FGD4: variants seen among roughly 807,000 people sequenced by gnomAD.
The protein encoded by FGD4 is FYVE, RhoGEF and PH domain-containing protein 4.
In FGD4, 42 loss-of-function variants were observed where a neutral mutation model predicts 102.0. That is an observed-to-expected ratio of 0.41 (90% confidence interval 0.32 to 0.53). The LOEUF (loss-of-function observed/expected upper bound fraction) is 0.53, where lower values mean the gene tolerates loss of function less well. Among genes scored for constraint, FGD4 ranks in the 20% least tolerant of loss-of-function variants. The probability of loss-of-function intolerance (pLI) is 0.21; values close to 1 mark genes in which losing one functional copy is unlikely to be tolerated. For synonymous variants in FGD4, 380 were observed against 375.7 expected (o/e 1.01, Z -0.13); for missense variants, 902 against 1,078.2 (o/e 0.84, Z 2.29).
At chr12:32,401,330 G>GATC (rs1565718129) in intron 1 of FGD4, among the ~76,000 whole-genome samples, 2 of 152,206 alleles carry the variant, frequency 1.3e-5, no homozygotes, top group African/African-American at 4.8e-5. Context: ...CATGAACTCA[G>GATC]ATCACTGCAA....
chr12:32,453,119 C>T (rs987519776), intron 1 of FGD4, among the ~76,000 whole-genome samples: 2 of 147,164 alleles, frequency 1.4e-5, no homozygotes, highest in Admixed American at 6.9e-5. Flanking sequence ...ATTAACACAT[C>T]CAAATAGTTT....
At chr12:32,561,070 G>GTGTTTT (rs1944513090) in intron 1 of FGD4, among the ~76,000 whole-genome samples, 1 of 90,788 alleles carries the variant, frequency 1.1e-5, no homozygotes, top group Non-Finnish European at 2.2e-5. Flanking sequence ...TCTTTGTTGG[G>GTGTTTT]TTTTGTTTTT....
intron 1 of FGD4, among the ~76,000 whole-genome samples, chr12:32,558,487 G>A (rs980037816): frequency 2.0e-5 from 3 of 152,184 alleles, no homozygotes; most frequent in African/African-American, 7.2e-5. Context: ...GTGGTAAGAG[G>A]TCAGGCTCGA....
rs186828566 is a variant in FGD4 at position 32,552,838 on chromosome 12, C to T, written c.167-11299C>T. On this transcript the variant is annotated intron_variant, in intron 1 of 16. Transcript: ENST00000534526. ...TGTTGCCTAGGCTGGAGTGCAATGG[C>T]GCGATCTTGGCTCACCGCAACCTCC... Among the ~76,000 whole-genome samples the T allele has an allele frequency of 4.0e-5, 6 of 150,590 alleles. No individual in the cohort carries two copies. The East Asian group carries it at 5.9e-4, about 15-fold the overall frequency.
At chr12:32,621,781 G>A (rs772717689) in intron 11 of FGD4, among the ~76,000 whole-genome samples, 2 of 152,122 alleles carry the variant, frequency 1.3e-5, no homozygotes, top group Admixed American at 6.5e-5. Flanking sequence ...TTGGGCCCTA[G>A]CCCCTCAAAC....
At chr12:32,570,730 C>T (rs563771753) in intron 2 of FGD4, among the ~76,000 whole-genome samples, 2 of 152,228 alleles carry the variant, frequency 1.3e-5, no homozygotes, top group Admixed American at 6.5e-5. Context: ...CATGAGACAT[C>T]GTGCCTCAGT....
intron 1 of FGD4, among the ~76,000 whole-genome samples, chr12:32,537,331 T>C (rs1942377159): frequency 6.6e-6 from 1 of 152,224 alleles, no homozygotes; most frequent in Non-Finnish European, 1.5e-5. Context: ...CTATGTCTTA[T>C]TGCCTCTACT....
At chr12:32,591,521 T>C (rs1484795509) in intron 4 of FGD4, among the ~76,000 whole-genome samples, 1 of 152,208 alleles carries the variant, frequency 6.6e-6, no homozygotes, top group Non-Finnish European at 1.5e-5. Flanking sequence ...ACAACATTCT[T>C]CCCAGAAGAT....
chr12:32,531,743 A>G (rs933493038), intron 1 of FGD4, among the ~76,000 whole-genome samples: 18 of 152,192 alleles, frequency 1.2e-4, no homozygotes, highest in East Asian at 5.8e-4. Context: ...TTTTTTGTCA[A>G]TGTAAATCCT....
chr12:32,582,008 A>G lies in FGD4; in HGVS notation c.552A>G (p.Leu184=). 1.9e-6 allele frequency: 3 copies of G among 1,614,222 alleles called. No individual in the cohort carries two copies. Among genetic ancestry groups the G allele is most frequent in the Non-Finnish European group, 2.5e-6 (3 of 1,180,034 alleles). ...TGAAGAAAGAGTCTGCTGTGAACCTAAATGCTCCTAGAACCCCAGGAAGGC... is the reference window on the plus strand; with the variant it reads ...TGAAGAAAGAGTCTGCTGTGAACCTGAATGCTCCTAGAACCCCAGGAAGGC... The part of the protein sequence containing the change: ...SDLKKESAVN[L]NAPRTPGRHG... Residue 184 remains leucine, a synonymous_variant, in exon 4 of 17, where the codon CTA becomes CTG. Coordinates refer to ENST00000534526, the MANE Select transcript of FGD4 (RefSeq NM_001370298.3).
intron 2 of FGD4, among the ~76,000 whole-genome samples, chr12:32,570,028 G>C (rs1374534454): frequency 6.6e-6 from 1 of 152,000 alleles, no homozygotes; most frequent in Non-Finnish European, 1.5e-5. Flanking sequence ...GGATCACGAG[G>C]TCAGGAGTTC....
At chr12:32,470,332 C>A (rs925729704) in intron 1 of FGD4, among the ~76,000 whole-genome samples, 2 of 151,972 alleles carry the variant, frequency 1.3e-5, no homozygotes, top group Non-Finnish European at 2.9e-5. Context: ...TGCCTCAGTA[C>A]AAAAAAGCAG....
At chr12:32,616,145 C>T (rs937434040) in intron 10 of FGD4, among the ~76,000 whole-genome samples, 3 of 152,220 alleles carry the variant, frequency 2.0e-5, no homozygotes, top group African/African-American at 7.2e-5. Flanking sequence ...TTTCCTTTCT[C>T]CTCTTCCTCA....
chr12:32,577,186 A>C (rs921286155), intron 3 of FGD4, among the ~76,000 whole-genome samples: 6 of 152,072 alleles, frequency 3.9e-5, no homozygotes, highest in Admixed American at 1.3e-4. Context: ...ATTTTTTCTT[A>C]GTCTTTTGAT....
intron 1 of FGD4, among the ~76,000 whole-genome samples, chr12:32,514,904 T>C (rs544477394): frequency 2.6e-5 from 4 of 152,182 alleles, no homozygotes; most frequent in South Asian, 4.1e-4. Context: ...TTTGTAGATA[T>C]GGGGTTTTCA....
Position 32,484,732 on chromosome 12 carries a change from C to T in FGD4, c.167-79405C>T, listed in dbSNP as rs182077403. ...ACTAAAAATACAAAAATTAGCCAGA[C>T]GTGCTGGTGGGCACCTGTAATCCAA... On this transcript the variant is annotated intron_variant, in intron 1 of 16. Transcript: ENST00000534526. 4.1e-4 allele frequency among the ~76,000 whole-genome samples: 62 copies of T among 152,072 alleles called. No homozygotes were observed. The East Asian group carries it at 0.011, about 27-fold the overall frequency.
Position 32,619,761 on chromosome 12 carries a change from C to G in FGD4, c.1813C>G (p.Arg605Gly), listed in dbSNP as rs754185153. The G allele has an allele frequency of 3.7e-6, 6 of 1,614,076 alleles. No individual in the cohort carries two copies. In the Admixed American group the frequency reaches 8.3e-5, roughly 22 times the overall value. Residue 605 changes from arginine (R) to glycine (G), a missense_variant, in exon 11 of 17, where the codon CGA becomes GGA. Around this residue, in one of 2 missense-constraint regions of FGD4, gnomAD observed 459 missense variants for 619.0 expected, o/e 0.74. Transcript: ENST00000534526. ...FSLVGSKFTVRTRVGIDGMKI... is the reference protein window; with the variant it reads ...FSLVGSKFTVGTRVGIDGMKI... ...CTTGGTAGGCTCTAAATTCACAGTTCGAACCAGGGTTGGCATTGATGGAAT... is the reference window on the plus strand; with the variant it reads ...CTTGGTAGGCTCTAAATTCACAGTTGGAACCAGGGTTGGCATTGATGGAAT...
chr12:32,633,780 A>G, intron 15 of FGD4, 91 bp downstream of exon 15: 1 of 1,192,772 alleles, frequency 8.4e-7, no homozygotes, highest in Admixed American at 2.0e-5. Flanking sequence ...CAGTGGCACG[A>G]TCTCAGCTCA....
At chr12:32,429,299 C>T (rs1339648500) in intron 1 of FGD4, among the ~76,000 whole-genome samples, 1 of 152,204 alleles carries the variant, frequency 6.6e-6, no homozygotes, top group African/African-American at 2.4e-5. Context: ...TGCAGGTCTG[C>T]TGGAGTTTGC....
Sources: allele counts gnomAD v4.1 joint callset (sites outside exome capture counted in the v4.1 genomes callset), GRCh38; gene constraint gnomAD v4.1.1; regional missense constraint gnomAD v4.1.1; transcripts MANE v1.5; gene names NCBI Gene and HGNC (gene_info 2026-07-23, HGNC 2026-07-21).